The following HNRNPM variants were observed in gnomAD, a reference collection of about 807,000 sequenced individuals.
The protein encoded by HNRNPM is CEA receptor.
HNRNPM carries 11 observed loss-of-function variants against 73.1 expected under a neutral mutation model. That is an observed-to-expected ratio of 0.15 (90% CI 0.09 to 0.25). The LOEUF (loss-of-function observed/expected upper bound fraction) is 0.25, where lower values mean the gene tolerates loss of function less well. HNRNPM is among the 10% of genes least tolerant of loss of function. The pLI is 1.00. For synonymous variants in HNRNPM, 407 were observed against 355.2 expected, an observed-to-expected ratio of 1.15 and a Z score of -1.64; for missense variants, 789 against 1,067.9, an observed-to-expected ratio of 0.74 and a Z score of 3.64.
At position 8,465,701 on chromosome 19, in the gene HNRNPM, C is replaced by G. The variant is rs187239094; in HGVS notation, c.630+186C>G. On this transcript the variant is annotated intron_variant, in intron 6 of 15. Transcript: ENST00000325495. ...TGCATTCCTAAGTCACAGGCTTGACCGTGGTCTCGTTGGGGCTGTGATTCC... is the reference window on the plus strand; with the variant it reads ...TGCATTCCTAAGTCACAGGCTTGACGGTGGTCTCGTTGGGGCTGTGATTCC... 4.6e-3 allele frequency among the ~76,000 whole-genome samples: 700 copies of G among 152,230 alleles called. 2 individuals carry two copies. Among genetic ancestry groups the G allele is most frequent in the Non-Finnish European group, 7.6e-3 (516 of 68,014 alleles).
At chr19:8,464,693 T>G (rs145757263) in intron 5 of HNRNPM, among the ~76,000 whole-genome samples, 4 of 152,290 alleles carry the variant, frequency 2.6e-5, no homozygotes, top group Non-Finnish European at 5.9e-5. Context: ...ATGAGTAGAT[T>G]CAGAGTGAAG....
Position 8,446,288 on chromosome 19 carries a change from G to C in HNRNPM, c.113+1177G>C, listed in dbSNP as rs559767126. Among the ~76,000 whole-genome samples, 171 of 152,304 alleles carry C rather than the reference G, an allele frequency of 1.1e-3. 1 individual carries two copies. Among genetic ancestry groups the C allele is most frequent in the African/African-American group, 3.6e-3 (150 of 41,568 alleles). On this transcript the variant is annotated intron_variant, in intron 1 of 15. Transcript: ENST00000325495. Reference sequence around the variant, plus strand: ...TTCATCATCGGAAACAGAAAGTGTAGCTATTAAATACTAACTCCCTCCGTT... The same window carrying C: ...TTCATCATCGGAAACAGAAAGTGTACCTATTAAATACTAACTCCCTCCGTT...
intron 1 of HNRNPM, among the ~76,000 whole-genome samples, chr19:8,445,850 C>T (rs1196635031): frequency 1.3e-5 from 2 of 152,234 alleles, no homozygotes; most frequent in East Asian, 3.8e-4. Flanking sequence ...GATACGAAGT[C>T]GGGGGAGGAA....
Position 8,487,132 on chromosome 19 carries a change from C to T in HNRNPM, c.2029+57C>T, listed in dbSNP as rs116247003. ...CCCTCGTGCTTGTTGGTGACGCAGC[C>T]GAGTCAGCAGCAAAACCTCCCTCCC... is the stretch of plus-strand genomic sequence containing the variant. On this transcript the variant is annotated intron_variant, in intron 15 of 15. Coordinates refer to ENST00000325495, the MANE Select transcript of HNRNPM (RefSeq NM_005968.5). 8.9e-4 allele frequency: 1,302 copies of T among 1,456,178 alleles called. 7 individuals are homozygous for T. In the African/African-American group the frequency reaches 0.016, roughly 18 times the overall value. The allele number at this position is 1,456,178 out of a possible 1,614,324, so 90.2% of individuals were successfully genotyped here.
chr19:8,465,433 T>C lies in HNRNPM; in HGVS notation c.548T>C (p.Ile183Thr). The change falls in exon 6 of 16, where the codon ATC becomes ACC. Residue 183 changes from isoleucine to threonine, a missense_variant. By Grantham distance (89) the Ile-to-Thr change is moderately conservative. Coordinates refer to ENST00000325495, the MANE Select transcript of HNRNPM (RefSeq NM_005968.5). The part of the protein sequence containing the change: ...GPGMITIPPS[I>T]LNNPNIPNEI... Reference sequence around the variant, plus strand: ...GGAATGATTACTATCCCACCCAGTATCCTAAATAATCCCAACATCCCAAAT... The same window carrying C: ...GGAATGATTACTATCCCACCCAGTACCCTAAATAATCCCAACATCCCAAAT... The C allele has an allele frequency of 6.2e-7, 1 of 1,613,792 alleles. No homozygotes were observed. Among genetic ancestry groups the C allele is most frequent in the Middle Eastern group, 1.6e-4 (1 of 6,062 alleles).
intron 1 of HNRNPM, among the ~76,000 whole-genome samples, chr19:8,447,646 A>G (rs962766178): frequency 3.9e-5 from 6 of 152,220 alleles, no homozygotes; most frequent in Non-Finnish European, 7.4e-5. Context: ...GCACTTTGGG[A>G]GGCTGAGGTG....
chr19:8,449,306 A>G (rs1968449218), intron 1 of HNRNPM, among the ~76,000 whole-genome samples: 1 of 152,298 alleles, frequency 6.6e-6, no homozygotes, highest in South Asian at 2.1e-4. Context: ...GGGGTTCTCC[A>G]ATGGACTTCC....
At chr19:8,457,879 AC>A (rs1266223150) in intron 2 of HNRNPM, among the ~76,000 whole-genome samples, 1 of 152,238 alleles carries the variant, frequency 6.6e-6, no homozygotes, top group Admixed American at 6.5e-5. Context: ...AGAGGCACTT[AC>A]AACCCTAAAA....
Position 8,486,057 on chromosome 19 carries a change from C to T in HNRNPM, c.1629C>T (p.Arg543=). 1.9e-6 allele frequency: 3 copies of T among 1,606,642 alleles called. No homozygotes were observed. Among genetic ancestry groups the T allele is most frequent in the Non-Finnish European group, 2.5e-6 (3 of 1,179,656 alleles). The change falls in exon 14 of 16, where the codon CGC becomes CGT. Residue 543 remains arginine, a synonymous_variant. Coordinates refer to ENST00000325495, the MANE Select transcript of HNRNPM (RefSeq NM_005968.5). The part of the protein sequence containing the change: ...VPAGMGAGLE[R]MGPVMDRMAT... ...CAGGTATGGGAGCTGGCCTGGAGCG[C>T]ATGGGCCCCGTGATGGATCGCATGG...
chr19:8,472,481 A>G (rs77540833), intron 10 of HNRNPM, among the ~76,000 whole-genome samples: 9,296 of 152,220 alleles, frequency 0.061, 612 homozygotes, highest in African/African-American at 0.16. Context: ...CAAAACACAC[A>G]CACCCCATGT....
intron 12 of HNRNPM, among the ~76,000 whole-genome samples, chr19:8,478,201 TTAGG>T (rs1468087112): frequency 1.3e-5 from 2 of 152,134 alleles, no homozygotes; most frequent in African/African-American, 4.8e-5. Flanking sequence ...TGGACTTATG[TTAGG>T]TAGGTTGTTC....
At chr19:8,480,094 C>A (rs913165412) in intron 12 of HNRNPM, among the ~76,000 whole-genome samples, 10 of 138,090 alleles carry the variant, frequency 7.2e-5, no homozygotes, top group African/African-American at 2.4e-4. Context: ...TTAAAACTTA[C>A]TGGCCGGGCG....
At chr19:8,461,660 T>C (rs977288185) in intron 2 of HNRNPM, among the ~76,000 whole-genome samples, 2 of 152,196 alleles carry the variant, frequency 1.3e-5, no homozygotes, top group African/African-American at 4.8e-5. Flanking sequence ...TTTGTGTAGA[T>C]TAGAATCATA....
chr19:8,446,316 C>T (rs1968182143), intron 1 of HNRNPM, among the ~76,000 whole-genome samples: 1 of 152,180 alleles, frequency 6.6e-6, no homozygotes, highest in Admixed American at 6.6e-5. Flanking sequence ...CCTCCGTTTT[C>T]TTTCCTTTCT....
intron 12 of HNRNPM, among the ~76,000 whole-genome samples, chr19:8,475,021 C>T (rs1056411774): frequency 6.6e-6 from 1 of 152,134 alleles, no homozygotes; most frequent in African/African-American, 2.4e-5. Context: ...GGCACCTGCC[C>T]CCAACTTTTT....
chr19:8,472,256 G>T (rs1599811943), intron 10 of HNRNPM, among the ~76,000 whole-genome samples: 1 of 150,894 alleles, frequency 6.6e-6, no homozygotes, highest in Non-Finnish European at 1.5e-5. Flanking sequence ...TTTCATTGCT[G>T]TGTAATGATG....
At chr19:8,483,258 T>TA (rs748159618) in intron 13 of HNRNPM, 47 bp downstream of exon 13, 8 of 1,425,542 alleles carry the variant, frequency 5.6e-6, no homozygotes, top group Non-Finnish European at 7.9e-6. Context: ...AACAGGCTGT[T>TA]ATCGCTGGGG....
rs755869344 is a variant in HNRNPM, at chr19:8,445,039, C to T, written c.41C>T (p.Thr14Met). 8 of 1,427,646 alleles carry T rather than the reference C, an allele frequency of 5.6e-6. No homozygotes were observed. The Admixed American group carries it at 2.4e-4, about 43-fold the overall frequency. The allele number at this position is 1,427,646 out of a possible 1,614,324, so 88.4% of individuals were successfully genotyped here. A position where few individuals can be genotyped will look rare whatever the true frequency, so the allele number is the denominator to read the frequency against. Residue 14 changes from threonine to methionine, a missense_variant, in exon 1 of 16, where the codon ACG (threonine) becomes ATG (methionine). Thr to Met is a moderately conservative substitution (Grantham distance 81, BLOSUM62 -1). This residue lies in a region of HNRNPM where 79 missense variants were observed against 70.7 expected (regional missense o/e 1.12). Coordinates refer to ENST00000325495, the MANE Select transcript of HNRNPM (RefSeq NM_005968.5). ...GAAGCGGCGGCGGAGGTGGCGGCGA[C>T]GGAGATCAAAATGGAGGAAGAGAGC... is the stretch of plus-strand genomic sequence containing the variant. ...GVEAAAEVAA[T>M]EIKMEEESGA... is the part of the protein sequence containing the mutation.
intron 12 of HNRNPM, chr19:8,481,598 G>A (rs545831388): frequency 2.6e-5 from 4 of 152,346 alleles, no homozygotes; most frequent in African/African-American, 4.8e-5. Flanking sequence ...GGGTGTGCAC[G>A]GGAGAATATA....
Sources: gnomAD v4.1 joint callset for allele counts (sites outside exome capture counted in the v4.1 genomes callset) on GRCh38, gnomAD v4.1.1 for gene constraint, gnomAD v4.1.1 regional missense constraint, MANE v1.5 for transcripts, NCBI Gene and HGNC (gene_info 2026-07-23, HGNC 2026-07-21) for gene names.